Variants in RNGTT observed in about 807,000 individuals in gnomAD.
RNGTT encodes the protein RNA guanylyltransferase and 5'-phosphatase.
RNGTT carries 33 observed loss-of-function variants against 79.3 expected under a neutral mutation model. That is an observed-to-expected ratio of 0.42 (90% CI 0.32 to 0.56). The LOEUF is 0.56. Ranked by LOEUF, RNGTT falls within the 20% of genes least tolerant of loss-of-function variation. The pLI, the probability that RNGTT is intolerant of heterozygous loss-of-function variation, is 0.17. For synonymous variants in RNGTT, 222 were observed against 235.9 expected (o/e 0.94, Z 0.54); for missense variants, 497 against 739.1 (o/e 0.67, Z 3.80).
chr6:88,797,803 A>G lies in RNGTT; in HGVS notation c.1338+3761T>C, dbSNP rs548560994. Among the ~76,000 whole-genome samples the G allele has an allele frequency of 3.3e-5, 5 of 152,118 alleles. 1 individual carries two copies. The South Asian group carries it at 1.0e-3, about 32-fold the overall frequency. On this transcript the variant is annotated intron_variant, in intron 12 of 15. Coordinates refer to ENST00000369485, the MANE Select transcript of RNGTT (RefSeq NM_003800.5). ...GTAATTACAATAGAATGACAGAAGG[A>G]GAAAGGGGTGTGGAGGGGGTTAGTG...
chr6:88,678,242 C>T (rs1158755883), intron 14 of RNGTT, 111 bp downstream of exon 14: 1 of 1,441,382 alleles, frequency 6.9e-7, no homozygotes, highest in Non-Finnish European at 9.2e-7. Context: ...CTTAGCCTCC[C>T]AAAGTGCTGG....
At chr6:88,789,043 TG>T (rs1436556054) in intron 12 of RNGTT, among the ~76,000 whole-genome samples, 1 of 152,248 alleles carries the variant, frequency 6.6e-6, no homozygotes, top group Non-Finnish European at 1.5e-5. Context: ...AGCTGGTTTT[TG>T]GGAGTTTGTT....
intron 13 of RNGTT, among the ~76,000 whole-genome samples, chr6:88,684,320 T>C (rs1054769858): frequency 2.0e-5 from 3 of 152,160 alleles, no homozygotes; most frequent in African/African-American, 7.2e-5. Context: ...GAAGACAGTT[T>C]AGTGGTTTCT....
chr6:88,874,469 C>A (rs997109433), intron 8 of RNGTT, among the ~76,000 whole-genome samples: 1 of 152,052 alleles, frequency 6.6e-6, no homozygotes, highest in Non-Finnish European at 1.5e-5. Flanking sequence ...TTTCAGTTTT[C>A]TTTTGTATAA....
At chr6:88,647,126 T>C (rs1178327795) in intron 14 of RNGTT, among the ~76,000 whole-genome samples, 1 of 152,190 alleles carries the variant, frequency 6.6e-6, no homozygotes, top group Non-Finnish European at 1.5e-5. Flanking sequence ...GAACCAGATA[T>C]ATGCAAATTC....
chr6:88,924,847 T>A (rs1241314018), intron 4 of RNGTT, among the ~76,000 whole-genome samples: 2 of 151,942 alleles, frequency 1.3e-5, no homozygotes, highest in South Asian at 4.2e-4. Context: ...CTTCAGCCTC[T>A]TAAGTAGCTG....
intron 10 of RNGTT, among the ~76,000 whole-genome samples, chr6:88,845,870 C>A (rs1781466459): frequency 6.6e-6 from 1 of 152,164 alleles, no homozygotes; most frequent in Non-Finnish European, 1.5e-5. Context: ...CATGTGTCAT[C>A]TCTTCTATGC....
intron 13 of RNGTT, among the ~76,000 whole-genome samples, chr6:88,709,014 ATAT>A (rs1330229817): frequency 6.6e-6 from 1 of 152,168 alleles, no homozygotes. Flanking sequence ...TCATCTTAAA[ATAT>A]TATGAGGATT....
chr6:88,698,042 TGA>T (rs149277997), intron 13 of RNGTT, among the ~76,000 whole-genome samples: 2 of 96,180 alleles, frequency 2.1e-5, no homozygotes, highest in African/African-American at 1.9e-4. Context: ...GATATATATA[TGA>T]AATACATATA....
intron 8 of RNGTT, among the ~76,000 whole-genome samples, chr6:88,888,267 G>T (rs149685587): frequency 6.6e-6 from 1 of 151,998 alleles, no homozygotes; most frequent in African/African-American, 2.4e-5. Flanking sequence ...TTGACCTCAC[G>T]TTTTCCACTC....
rs534767390 is a variant in RNGTT, at chr6:88,647,690, C to T, written c.1506+30663G>A. On this transcript the variant is annotated intron_variant, in intron 14 of 15. Transcript: ENST00000369485. The stretch of plus-strand genomic sequence containing the variant: ...TGCACTCCAGCCTGGGTGACAGAAC[C>T]GACACCCTGTTAAAAAAAAAAAAAA... Among the ~76,000 whole-genome samples, 255 of 99,750 alleles carry T rather than the reference C, an allele frequency of 2.6e-3. 8 individuals carry two copies. Among genetic ancestry groups the T allele is most frequent in the African/African-American group, 0.013 (250 of 18,846 alleles). 65.4% of individuals were successfully genotyped at this position (99,750 alleles called of 152,430 possible). A position where few individuals can be genotyped will look rare whatever the true frequency, so the allele number is the denominator to read the frequency against.
intron 11 of RNGTT, among the ~76,000 whole-genome samples, chr6:88,826,162 T>C (rs1433762073): frequency 6.6e-6 from 1 of 152,090 alleles, no homozygotes; most frequent in Non-Finnish European, 1.5e-5. Context: ...AAGAAAAAGG[T>C]GGGCAGGGGG....
chr6:88,660,555 A>AAAAAAAAAAAAAAAG (rs937133942), intron 14 of RNGTT, among the ~76,000 whole-genome samples: 1 of 151,832 alleles, frequency 6.6e-6, no homozygotes, highest in African/African-American at 2.4e-5. Flanking sequence ...ATGGTAAAAA[A>AAAAAAAAAAAAAAAG]AAAGAAAGAA....
At chr6:88,648,421 T>C (rs1053495846) in intron 14 of RNGTT, among the ~76,000 whole-genome samples, 1 of 151,892 alleles carries the variant, frequency 6.6e-6, no homozygotes, top group Non-Finnish European at 1.5e-5. Context: ...CATGTATACA[T>C]ATGTAACAAA....
intron 13 of RNGTT, among the ~76,000 whole-genome samples, chr6:88,748,410 A>T (rs371580900): frequency 4.0e-5 from 6 of 151,852 alleles, no homozygotes; most frequent in African/African-American, 1.2e-4. Context: ...CTTCTCCCTC[A>T]TATCTACTAT....
intron 13 of RNGTT, among the ~76,000 whole-genome samples, chr6:88,709,619 T>C (rs1273976334): frequency 6.6e-6 from 1 of 152,256 alleles, no homozygotes; most frequent in Non-Finnish European, 1.5e-5. Context: ...TTTAACTGTA[T>C]GTTCTAAAAC....
chr6:88,723,293 G>A (rs556853583), intron 13 of RNGTT, among the ~76,000 whole-genome samples: 3 of 152,274 alleles, frequency 2.0e-5, no homozygotes, highest in Non-Finnish European at 2.9e-5. Flanking sequence ...AAGCAACAAT[G>A]AGGAAGGAGC....
At chr6:88,866,366 A>G (rs1167051985) in intron 8 of RNGTT, among the ~76,000 whole-genome samples, 3 of 152,158 alleles carry the variant, frequency 2.0e-5, no homozygotes, top group South Asian at 4.1e-4. Flanking sequence ...AAGGCACAAG[A>G]AAAACCAGAC....
chr6:88,801,674 T>A lies in RNGTT; in HGVS notation c.1270-42A>T, dbSNP rs771281901. ...CATGTATTCTTTAAAAATATAATAA[T>A]CACTTTAAAAGTATTTAAACTTCTT... On this transcript the variant is annotated intron_variant, in intron 11 of 15. Coordinates refer to ENST00000369485, the MANE Select transcript of RNGTT (RefSeq NM_003800.5). 5 of 1,308,148 alleles carry A rather than the reference T, an allele frequency of 3.8e-6. No homozygotes were observed. In the East Asian group the frequency reaches 9.9e-5, roughly 26 times the overall value. 81.0% of individuals were successfully genotyped at this position (1,308,148 alleles called of 1,614,324 possible).
Sources: gnomAD v4.1 joint callset for allele counts (sites outside exome capture counted in the v4.1 genomes callset) on GRCh38, gnomAD v4.1.1 for gene constraint, MANE v1.5 for transcripts, NCBI Gene and HGNC (gene_info 2026-07-23, HGNC 2026-07-21) for gene names.